LRRTM4: variants seen among roughly 807,000 people sequenced by gnomAD.
The protein encoded by LRRTM4 is leucine rich repeat transmembrane neuronal 4.
In LRRTM4, 25 loss-of-function variants were observed where a neutral mutation model predicts 47.6. The ratio of observed to expected loss-of-function variants is 0.53; its 90% CI spans 0.38 to 0.73. The LOEUF (loss-of-function observed/expected upper bound fraction) is 0.73. LRRTM4 is among the 30% of genes least tolerant of loss of function. LRRTM4 has a pLI of 0.00. For synonymous variants in LRRTM4, 311 were observed against 269.5 expected (o/e 1.15, Z -1.51); for missense variants, 638 against 713.4 (o/e 0.89, Z 1.20).
chr2:76,766,956 C>T (rs991514875), intron 3 of LRRTM4, among the ~76,000 whole-genome samples: 4 of 152,170 alleles, frequency 2.6e-5, no homozygotes, highest in African/African-American at 9.7e-5. Context: ...GCTAGATGAG[C>T]CCTCTAGACA....
At chr2:77,116,055 T>C (rs554601444) in intron 3 of LRRTM4, among the ~76,000 whole-genome samples, 2 of 152,250 alleles carry the variant, frequency 1.3e-5, no homozygotes, top group Admixed American at 6.5e-5. Flanking sequence ...CAGAGATACA[T>C]AGGACTGGAG....
At chr2:77,391,559 T>C (rs1468559517) in intron 3 of LRRTM4, among the ~76,000 whole-genome samples, 1 of 152,014 alleles carries the variant, frequency 6.6e-6, no homozygotes, top group Non-Finnish European at 1.5e-5. Flanking sequence ...AACAAATGAT[T>C]GGAAGTTATT....
At chr2:76,848,239 T>A (rs1671893241) in intron 3 of LRRTM4, among the ~76,000 whole-genome samples, 1 of 152,152 alleles carries the variant, frequency 6.6e-6, no homozygotes, top group Non-Finnish European at 1.5e-5. Flanking sequence ...ATCTTGGAAT[T>A]TTCCAACATA....
At chr2:76,823,490 T>G (rs1367614463) in intron 3 of LRRTM4, among the ~76,000 whole-genome samples, 1 of 151,354 alleles carries the variant, frequency 6.6e-6, no homozygotes, top group Non-Finnish European at 1.5e-5. Context: ...ATTAATGCAG[T>G]AAGGATAAGT....
rs111472394 is a variant in LRRTM4 at position 77,476,068 on chromosome 2, C to T, written c.1551+42250G>A. On this transcript the variant is annotated intron_variant, in intron 3 of 3. Coordinates refer to ENST00000409884, the MANE Select transcript of LRRTM4 (RefSeq NM_001134745.3). Reference sequence around the variant, plus strand: ...ATATTTCCCTATTGATTAATACTGACGTTTTCTGATGCAGAAAAATTAGAA... The same window carrying T: ...ATATTTCCCTATTGATTAATACTGATGTTTTCTGATGCAGAAAAATTAGAA... Among the ~76,000 whole-genome samples the T allele has an allele frequency of 2.2e-4, 33 of 152,032 alleles. 1 individual carries two copies. The highest frequency in any genetic ancestry group is 6.3e-4 in the African/African-American group (26 of 41,540).
At chr2:77,238,597 G>T (rs780951062) in intron 3 of LRRTM4, among the ~76,000 whole-genome samples, 2 of 151,904 alleles carry the variant, frequency 1.3e-5, no homozygotes, top group Non-Finnish European at 2.9e-5. Flanking sequence ...TAAACAGCAC[G>T]CCGAGAGATA....
intron 3 of LRRTM4, among the ~76,000 whole-genome samples, chr2:76,781,743 C>T (rs75054591): frequency 2.6e-4 from 34 of 132,976 alleles, no homozygotes; most frequent in Admixed American, 1.6e-3. Context: ...AGCTATAGAC[C>T]GGAGCTGTTC....
intron 3 of LRRTM4, among the ~76,000 whole-genome samples, chr2:76,780,139 T>A (rs937442419): frequency 6.6e-6 from 1 of 152,220 alleles, no homozygotes; most frequent in Non-Finnish European, 1.5e-5. Flanking sequence ...CCGCTGTTAG[T>A]CTGATGGGCT....
At chr2:77,330,565 T>G (rs1670937813) in intron 3 of LRRTM4, among the ~76,000 whole-genome samples, 1 of 152,160 alleles carries the variant, frequency 6.6e-6, no homozygotes, top group South Asian at 2.1e-4. Flanking sequence ...TGTAAAAAAA[T>G]TCCTACAGCA....
intron 3 of LRRTM4, among the ~76,000 whole-genome samples, chr2:76,751,107 G>A (rs1672835097): frequency 6.6e-6 from 1 of 152,148 alleles, no homozygotes; most frequent in South Asian, 2.1e-4. Context: ...AATCATGGTA[G>A]ACCATGTTTT....
chr2:77,016,057 G>A (rs1452568112), intron 3 of LRRTM4, among the ~76,000 whole-genome samples: 1 of 151,796 alleles, frequency 6.6e-6, no homozygotes, highest in Non-Finnish European at 1.5e-5. Context: ...CTCCAGCCTG[G>A]GTGACAGAAT....
At chr2:77,289,703 A>C (rs1676766383) in intron 3 of LRRTM4, among the ~76,000 whole-genome samples, 1 of 152,064 alleles carries the variant, frequency 6.6e-6, no homozygotes, top group South Asian at 2.1e-4. Context: ...GATTGATTGA[A>C]TTTTGCATTC....
chr2:77,416,141 G>A (rs976726839), intron 3 of LRRTM4, among the ~76,000 whole-genome samples: 4 of 151,778 alleles, frequency 2.6e-5, no homozygotes, highest in African/African-American at 7.3e-5. Flanking sequence ...CTTTTGTTTG[G>A]TGACACCATT....
At chr2:77,456,625 C>T (rs1440066145) in intron 3 of LRRTM4, among the ~76,000 whole-genome samples, 3 of 152,056 alleles carry the variant, frequency 2.0e-5, no homozygotes, top group South Asian at 2.1e-4. Context: ...TAAAATCTCT[C>T]TTGACTTTGT....
intron 3 of LRRTM4, among the ~76,000 whole-genome samples, chr2:77,054,073 T>C (rs1553378487): frequency 6.6e-6 from 1 of 152,216 alleles, no homozygotes; most frequent in Non-Finnish European, 1.5e-5. Flanking sequence ...GAATAGTCTC[T>C]AGTTTCAAGA....
At chr2:77,175,074 CTTTTTT>C (rs34057321) in intron 3 of LRRTM4, among the ~76,000 whole-genome samples, 3 of 138,408 alleles carry the variant, frequency 2.2e-5, no homozygotes, top group South Asian at 2.3e-4. Flanking sequence ...TTTCTTTTTT[CTTTTTT>C]TTTTTTTTTG....
chr2:76,802,198 G>A (rs76856229), intron 3 of LRRTM4, among the ~76,000 whole-genome samples: 24 of 147,524 alleles, frequency 1.6e-4, no homozygotes, highest in Admixed American at 1.6e-3. Flanking sequence ...ATTGTCAGAC[G>A]ACATGATCTT....
chr2:77,029,711 TC>T (rs1678583728), intron 3 of LRRTM4, among the ~76,000 whole-genome samples: 2 of 152,308 alleles, frequency 1.3e-5, no homozygotes, highest in Middle Eastern at 6.8e-3. Context: ...GATGCGAATT[TC>T]TGAAGAGAGG....
intron 3 of LRRTM4, among the ~76,000 whole-genome samples, chr2:76,944,171 C>T (rs1997468): frequency 0.59 from 89,940 of 151,874 alleles, 28,932 homozygotes; most frequent in African/African-American, 0.84. Flanking sequence ...CTAGCTTTCA[C>T]TGTGTTTTCT....
Sources: gnomAD v4.1 joint callset for allele counts (sites outside exome capture counted in the v4.1 genomes callset) on GRCh38, gnomAD v4.1.1 for gene constraint, MANE v1.5 for transcripts, NCBI Gene and HGNC (gene_info 2026-07-23, HGNC 2026-07-21) for gene names.